The following FBXO8 variants were observed in gnomAD, a reference collection of about 807,000 sequenced individuals.
FBXO8 encodes the protein F-box protein 8, also known as F-box only protein 8.
Under a neutral mutation model 33.4 loss-of-function variants are expected in FBXO8, and 15 were observed. The observed-to-expected ratio is 0.45, with a 90% CI of 0.30 to 0.69. FBXO8 has a LOEUF of 0.69. Among genes scored for constraint, FBXO8 ranks in the 30% least tolerant of loss-of-function variants. FBXO8 has a pLI of 0.08. For missense variants in FBXO8, 274 were observed against 380.3 expected, an observed-to-expected ratio of 0.72 and a Z score of 2.32; for synonymous variants, 132 against 131.5, an observed-to-expected ratio of 1.00 and a Z score of -0.02.
At chr4:174,269,217 AC>A (rs1736773120) in intron 1 of FBXO8, 1 of 152,212 alleles carries the variant, frequency 6.6e-6, no homozygotes, top group Non-Finnish European at 1.5e-5. Context: ...ACAGAAGTAA[AC>A]AAAAATTTCA....
At position 174,277,432 on chromosome 4, in the gene FBXO8, A is replaced by G. The variant is rs564276915; in HGVS notation, c.-9+5978T>C. Among the ~76,000 whole-genome samples the G allele has an allele frequency of 1.3e-5, 2 of 152,330 alleles. No individual in the cohort carries two copies. The highest frequency in any genetic ancestry group is 4.8e-5 in the African/African-American group (2 of 41,590). ...AAAGGTAACTACTGCTTATAATTTCATGGCACTAAGCACTCAAATGGCACA... is the reference window on the plus strand; with the variant it reads ...AAAGGTAACTACTGCTTATAATTTCGTGGCACTAAGCACTCAAATGGCACA... On this transcript the variant is annotated intron_variant, in intron 1 of 5. Coordinates refer to ENST00000393674, the MANE Select transcript of FBXO8 (RefSeq NM_012180.3). This position sits in a 1 kb window ranked among gnomAD's most constrained non-coding sequence, Gnocchi z 4.9.
In FBXO8 at chr4:174,239,058, T is replaced by C. The variant is rs2126411673; in HGVS notation, c.708A>G (p.Thr236=). ...ERGEYLETLI[T]KFSHRFCACN... ...AAGCACAGAATCTATGTGAGAACTT[T>C]GTTATAAGAGTTTCAAGATACTCTC... Residue 236 remains threonine, a synonymous_variant, in exon 5 of 6, where the codon ACA becomes ACG. Transcript: ENST00000393674. 6.2e-7 allele frequency: 1 copy of C among 1,606,254 alleles called. No individual in the cohort carries two copies. The highest frequency in any genetic ancestry group is 8.5e-7 in the Non-Finnish European group (1 of 1,175,658).
rs1369721177 is a variant in FBXO8 at position 174,241,331 on chromosome 4, T to C, written c.457-113A>G. On this transcript the variant is annotated intron_variant, in intron 3 of 5. Transcript: ENST00000393674. The surrounding 1 kb of genome is among the most constrained non-coding windows in gnomAD (Gnocchi z 4.2). ...AATTCTTTCCAGCATTAATAGACTT[T>C]TTGTAGCTTTATCATGCAAAATACA... 1.8e-6 allele frequency: 1 copy of C among 563,512 alleles called. No individual in the cohort carries two copies. Among genetic ancestry groups the C allele is most frequent in the East Asian group, 2.9e-5 (1 of 34,010 alleles). 34.9% of individuals were successfully genotyped at this position (563,512 alleles called of 1,614,324 possible).
intron 1 of FBXO8, among the ~76,000 whole-genome samples, chr4:174,280,846 A>G (rs1737069367): frequency 6.6e-6 from 1 of 152,234 alleles, no homozygotes; most frequent in South Asian, 2.1e-4. Flanking sequence ...AACAAAAGGT[A>G]GAATGGTGAT....
chr4:174,251,873 T>C lies in FBXO8; in HGVS notation c.456+7826A>G, dbSNP rs1579023650. Among the ~76,000 whole-genome samples, 1 of 152,144 alleles carries C rather than the reference T, an allele frequency of 6.6e-6. No homozygotes were observed. Among genetic ancestry groups the C allele is most frequent in the African/African-American group, 2.4e-5 (1 of 41,450 alleles). ...AGAGGGGGGAGCTACTTAAGCCATATTTGGTGAGGGACTCCTCTCACTGTC... is the reference window on the plus strand; with the variant it reads ...AGAGGGGGGAGCTACTTAAGCCATACTTGGTGAGGGACTCCTCTCACTGTC... On this transcript the variant is annotated intron_variant, in intron 3 of 5. Coordinates refer to ENST00000393674, the MANE Select transcript of FBXO8 (RefSeq NM_012180.3). This position sits in a 1 kb window ranked among gnomAD's most constrained non-coding sequence, Gnocchi z 4.2.
rs1407275371 is a variant in FBXO8, at chr4:174,274,157, G to C, written c.-9+9253C>G. Among the ~76,000 whole-genome samples, 1 of 152,192 alleles carries C rather than the reference G, an allele frequency of 6.6e-6. No individual in the cohort carries two copies. The highest frequency in any genetic ancestry group is 1.5e-5 in the Non-Finnish European group (1 of 68,028). ...ACCTCCATCGTTGGTCCCAGCTGCA[G>C]CTGCTCTTTCAGGCTACTGCTGTTC... On this transcript the variant is annotated intron_variant, in intron 1 of 5. Coordinates refer to ENST00000393674, the MANE Select transcript of FBXO8 (RefSeq NM_012180.3). This position sits in a 1 kb window ranked among gnomAD's most constrained non-coding sequence, Gnocchi z 4.0.
chr4:174,246,986 G>C (rs1736175377), intron 3 of FBXO8, among the ~76,000 whole-genome samples: 1 of 152,022 alleles, frequency 6.6e-6, no homozygotes, highest in Non-Finnish European at 1.5e-5. Context: ...AACTAAAGGA[G>C]TGCCAAGCAG....
chr4:174,246,775 C>A (rs145822605), intron 3 of FBXO8, among the ~76,000 whole-genome samples: 1 of 151,790 alleles, frequency 6.6e-6, no homozygotes, highest in Non-Finnish European at 1.5e-5. Context: ...TGGGGGACAG[C>A]ACAGTAGCAC....
In FBXO8 at chr4:174,256,387, A is replaced by G. The variant is rs1202135706; in HGVS notation, c.456+3312T>C. On this transcript the variant is annotated intron_variant, in intron 3 of 5. Coordinates refer to ENST00000393674, the MANE Select transcript of FBXO8 (RefSeq NM_012180.3). This position sits in a 1 kb window ranked among gnomAD's most constrained non-coding sequence, Gnocchi z 4.6. The stretch of plus-strand genomic sequence containing the variant: ...ACAGTGCTCCAGTGAGTGGGGAAAA[A>G]GAAAACAAAATACAGTCTCCAAAAA... Among the ~76,000 whole-genome samples the G allele has an allele frequency of 6.6e-6, 1 of 152,166 alleles. No homozygotes were observed. Among genetic ancestry groups the G allele is most frequent in the Non-Finnish European group, 1.5e-5 (1 of 68,028 alleles).
chr4:174,272,434 ACTTT>A lies in FBXO8; in HGVS notation c.-8-9338_-8-9335del, dbSNP rs1161121615. ...TATTATTATTTATTGTTGTACTGTT[ACTTT>A]CTATTTTTTTCCAAATAGTTTCAAT... On this transcript the variant is annotated intron_variant, in intron 1 of 5. Transcript: ENST00000393674. The surrounding 1 kb of genome is among the most constrained non-coding windows in gnomAD (Gnocchi z 4.7). Among the ~76,000 whole-genome samples, 1 of 152,210 alleles carries A rather than the reference ACTTT, an allele frequency of 6.6e-6. No homozygotes were observed. The highest frequency in any genetic ancestry group is 1.5e-5 in the Non-Finnish European group (1 of 68,028).
chr4:174,276,828 G>A (rs75311433), intron 1 of FBXO8, among the ~76,000 whole-genome samples: 9,615 of 152,158 alleles, frequency 0.063, 418 homozygotes, highest in South Asian at 0.21. Flanking sequence ...CTCCAATTAC[G>A]CTGTAACTTG....
At position 174,270,620 on chromosome 4, in the gene FBXO8, ATT is replaced by A. The variant is rs768394345; in HGVS notation, c.-8-7522_-8-7521del. 4.2e-5 allele frequency among the ~76,000 whole-genome samples: 6 copies of A among 142,554 alleles called. No individual in the cohort carries two copies. The highest frequency in any genetic ancestry group is 5.1e-5 in the African/African-American group (2 of 38,988). 93.5% of individuals were successfully genotyped at this position (142,554 alleles called of 152,430 possible). The stretch of plus-strand genomic sequence containing the variant: ...TTCATGCTCATGTCTTAGGAATAGT[ATT>A]TTTTTTTTTTTTTGAGATTTAGTCT... On this transcript the variant is annotated intron_variant, in intron 1 of 5. Transcript: ENST00000393674. This position sits in a 1 kb window ranked among gnomAD's most constrained non-coding sequence, Gnocchi z 4.6.
chr4:174,256,450 G>C lies in FBXO8; in HGVS notation c.456+3249C>G, dbSNP rs1736416880. Among the ~76,000 whole-genome samples, 1 of 152,138 alleles carries C rather than the reference G, an allele frequency of 6.6e-6. No individual in the cohort carries two copies. Among genetic ancestry groups the C allele is most frequent in the South Asian group, 2.1e-4 (1 of 4,826 alleles). ...TTTGAGCACTCAAAAAACTTGGCAAGAGTCATTCTAAAGTCTGGCTAAAGT... is the reference window on the plus strand; with the variant it reads ...TTTGAGCACTCAAAAAACTTGGCAACAGTCATTCTAAAGTCTGGCTAAAGT... On this transcript the variant is annotated intron_variant, in intron 3 of 5. Transcript: ENST00000393674. The surrounding 1 kb of genome is among the most constrained non-coding windows in gnomAD (Gnocchi z 4.6).
At chr4:174,258,099 CTAAA>C (rs1308339014) in intron 3 of FBXO8, among the ~76,000 whole-genome samples, 5 of 151,996 alleles carry the variant, frequency 3.3e-5, no homozygotes, top group Non-Finnish European at 5.9e-5. Flanking sequence ...ATGTTTAAGT[CTAAA>C]TAAAGAATTA....
At position 174,259,489 on chromosome 4, in the gene FBXO8, G is replaced by A. The variant is rs1487450559; in HGVS notation, c.456+210C>T. 6.6e-6 allele frequency among the ~76,000 whole-genome samples: 1 copy of A among 152,086 alleles called. No individual in the cohort carries two copies. On this transcript the variant is annotated intron_variant, in intron 3 of 5. Transcript: ENST00000393674. This position sits in a 1 kb window ranked among gnomAD's most constrained non-coding sequence, Gnocchi z 4.3. ...TATATCATGGATGCTGCTACATAAA[G>A]TGAACAGGTAGAAAGGTTAGAACGT...
rs1220051149 is a variant in FBXO8, at chr4:174,261,643, T to C, written c.329+1121A>G. Reference sequence around the variant, plus strand: ...TTCCTCTCACGTAGTACTTTCACTATGTCAAACAAATGAGTAAAAGAATAA... The same window carrying C: ...TTCCTCTCACGTAGTACTTTCACTACGTCAAACAAATGAGTAAAAGAATAA... On this transcript the variant is annotated intron_variant, in intron 2 of 5. Transcript: ENST00000393674. The surrounding 1 kb of genome is among the most constrained non-coding windows in gnomAD (Gnocchi z 4.1). Among the ~76,000 whole-genome samples the C allele has an allele frequency of 6.6e-6, 1 of 152,002 alleles. No individual in the cohort carries two copies. Among genetic ancestry groups the C allele is most frequent in the Non-Finnish European group, 1.5e-5 (1 of 67,896 alleles).
Position 174,254,471 on chromosome 4 carries a change from G to A in FBXO8, c.456+5228C>T, listed in dbSNP as rs1398280524. ...CTTTCATTAGGAATACTTCTGTGTT[G>A]CAGGAGGTACTAAGATTTAAAAGAG... On this transcript the variant is annotated intron_variant, in intron 3 of 5. Transcript: ENST00000393674. This position sits in a 1 kb window ranked among gnomAD's most constrained non-coding sequence, Gnocchi z 4.2. Among the ~76,000 whole-genome samples the A allele has an allele frequency of 6.6e-6, 1 of 152,156 alleles. No individual in the cohort carries two copies. Among genetic ancestry groups the A allele is most frequent in the Non-Finnish European group, 1.5e-5 (1 of 68,018 alleles).
rs17060436 is a variant in FBXO8 at position 174,263,687 on chromosome 4, A to T, written c.-8-587T>A. ...GAAACCTTGTAAATTAGACACCTAGAACTCCATGATAAATAGCTCGGTAAC... is the reference window on the plus strand; with the variant it reads ...GAAACCTTGTAAATTAGACACCTAGTACTCCATGATAAATAGCTCGGTAAC... On this transcript the variant is annotated intron_variant, in intron 1 of 5. Transcript: ENST00000393674. This position sits in a 1 kb window ranked among gnomAD's most constrained non-coding sequence, Gnocchi z 4.2. Among the ~76,000 whole-genome samples, 9,678 of 152,242 alleles carry T rather than the reference A, an allele frequency of 0.064. 423 individuals carry two copies. The highest frequency in any genetic ancestry group is 0.21 in the South Asian group (1,028 of 4,824).
At chr4:174,258,606 T>A (rs1319080047) in intron 3 of FBXO8, among the ~76,000 whole-genome samples, 1 of 152,102 alleles carries the variant, frequency 6.6e-6, no homozygotes, top group Non-Finnish European at 1.5e-5. Context: ...ATGACTTAAC[T>A]GGTAAGAAGT....
Sources: allele counts gnomAD v4.1 joint callset (sites outside exome capture counted in the v4.1 genomes callset), GRCh38; gene constraint gnomAD v4.1.1; non-coding constraint Gnocchi (gnomAD v3.1); transcripts MANE v1.5; gene names NCBI Gene and HGNC (gene_info 2026-07-23, HGNC 2026-07-21).